ABCC5: variants seen among roughly 807,000 people sequenced by gnomAD.
ABCC5 encodes ATP binding cassette subfamily C member 5, also known as ATP-binding cassette sub-family C member 5.
ABCC5 carries 61 observed loss-of-function variants against 160.9 expected under a neutral mutation model. That is an observed-to-expected ratio of 0.38 (90% confidence interval 0.31 to 0.47). The LOEUF (loss-of-function observed/expected upper bound fraction) is 0.47, where lower values mean the gene tolerates loss of function less well. Among genes scored for constraint, ABCC5 ranks in the 20% least tolerant of loss-of-function variants. The pLI is 0.99. For synonymous variants in ABCC5, 666 were observed against 700.6 expected, an observed-to-expected ratio of 0.95 and a Z score of 0.78; for missense variants, 1,308 against 1,813.3, an observed-to-expected ratio of 0.72 and a Z score of 5.06.
At chr3:184,001,010 T>C (rs1250010857) in intron 2 of ABCC5, 1 of 393,372 alleles carries the variant, frequency 2.5e-6, no homozygotes, top group Non-Finnish European at 4.5e-6. Flanking sequence ...CACAACACTT[T>C]GGGAGGCTGA....
intron 8 of ABCC5, among the ~76,000 whole-genome samples, chr3:183,979,987 TGCCTCG>T (rs1718571170): frequency 6.6e-6 from 1 of 152,160 alleles, no homozygotes. Context: ...GTGATCCTCC[TGCCTCG>T]GCCTCTTGAG....
chr3:183,923,682 T>G (rs907767749), intron 29 of ABCC5, among the ~76,000 whole-genome samples: 7 of 152,228 alleles, frequency 4.6e-5, no homozygotes, highest in Non-Finnish European at 8.8e-5. Flanking sequence ...TATACCTTAC[T>G]AGGCTCTATT....
intron 26 of ABCC5, among the ~76,000 whole-genome samples, chr3:183,933,468 A>T (rs1196277284): frequency 2.0e-5 from 3 of 152,076 alleles, no homozygotes; most frequent in African/African-American, 7.2e-5. Flanking sequence ...AAGCACAGGG[A>T]GCTCTGGGAG....
Position 183,987,979 on chromosome 3 carries a change from C to T in ABCC5, c.444-62G>A, listed in dbSNP as rs142851518. 16,464 of 1,570,688 alleles carry T rather than the reference C, an allele frequency of 0.01. 107 individuals are homozygous for T. The highest frequency in any genetic ancestry group is 0.013 in the Non-Finnish European group (15,152 of 1,155,012). The stretch of plus-strand genomic sequence containing the variant: ...CGGGGGAAAGGCACACCTAGCTCCC[C>T]GCCTGCCACCACTTTTTGTCTCCAG... On this transcript the variant is annotated intron_variant, in intron 4 of 29. Transcript: ENST00000334444. The surrounding 1 kb of genome is among the most constrained non-coding windows in gnomAD (Gnocchi z 4.2).
chr3:183,930,987 AATAGT>A (rs1186355523), intron 26 of ABCC5, among the ~76,000 whole-genome samples: 1 of 152,210 alleles, frequency 6.6e-6, no homozygotes, highest in Non-Finnish European at 1.5e-5. Context: ...TCAAACCACA[AATAGT>A]ACTGAACCGT....
chr3:183,982,651 G>A lies in ABCC5; in HGVS notation c.826-27C>T, dbSNP rs750523199. The A allele has an allele frequency of 1.2e-6, 2 of 1,612,614 alleles. No individual in the cohort carries two copies. Among genetic ancestry groups the A allele is most frequent in the South Asian group, 1.1e-5 (1 of 91,010 alleles). ...TATAAGATACAAAGAGTAGTGAGGG[G>A]ACCCTGCAAGGACACGGTTCATTTG... On this transcript the variant is annotated intron_variant, in intron 6 of 29. Transcript: ENST00000334444. The surrounding 1 kb of genome is among the most constrained non-coding windows in gnomAD (Gnocchi z 5.2).
chr3:183,996,899 A>T (rs1184595806), intron 2 of ABCC5, among the ~76,000 whole-genome samples: 1 of 152,182 alleles, frequency 6.6e-6, no homozygotes, highest in Non-Finnish European at 1.5e-5. Context: ...CCAAATTGTC[A>T]ATCTTGTTGT....
chr3:183,952,067 G>A (rs1323796876), intron 18 of ABCC5, 64 bp from the exon 19 acceptor site: 107 of 1,545,586 alleles, frequency 6.9e-5, no homozygotes, highest in South Asian at 4.1e-4. Context: ...CCTGCTCAGC[G>A]CCATTCTCAG....
intron 26 of ABCC5, among the ~76,000 whole-genome samples, chr3:183,935,356 T>C (rs1560473022): frequency 6.6e-6 from 1 of 150,388 alleles, no homozygotes. Flanking sequence ...AATTTTTGTA[T>C]TTTTTAGTAG....
At chr3:183,981,943 A>G (rs780383855) in intron 7 of ABCC5, 69 bp from the exon 8 acceptor site, 101 of 1,518,918 alleles carry the variant, frequency 6.6e-5, no homozygotes, top group Non-Finnish European at 8.6e-5. Context: ...AATCTGCTTA[A>G]GGTCATTCTC....
chr3:183,948,313 G>A (rs1397995865), intron 22 of ABCC5, among the ~76,000 whole-genome samples: 2 of 147,666 alleles, frequency 1.4e-5, no homozygotes, highest in Non-Finnish European at 3.0e-5. Context: ...TCATCACCCT[G>A]TTAAAACCAG....
At chr3:183,965,044 C>G (rs945510913) in intron 14 of ABCC5, 141 bp downstream of exon 14, 1 of 765,074 alleles carries the variant, frequency 1.3e-6, no homozygotes, top group African/African-American at 1.7e-5. Flanking sequence ...TGGACACATG[C>G]TTTCCTAACA....
intron 24 of ABCC5, among the ~76,000 whole-genome samples, chr3:183,944,657 T>G (rs993165255): frequency 2.0e-5 from 3 of 152,242 alleles, no homozygotes; most frequent in African/African-American, 7.2e-5. Context: ...TTGAGCCACA[T>G]GCAGCCCAGG....
At chr3:183,994,751 C>A (rs1720109328) in intron 2 of ABCC5, among the ~76,000 whole-genome samples, 1 of 152,014 alleles carries the variant, frequency 6.6e-6, no homozygotes, top group African/African-American at 2.4e-5. Flanking sequence ...ATTTGCACTA[C>A]CCTAATGGTG....
At chr3:183,922,004 C>T (rs796384391) in intron 29 of ABCC5, among the ~76,000 whole-genome samples, 5 of 151,512 alleles carry the variant, frequency 3.3e-5, no homozygotes, top group African/African-American at 1.2e-4. Flanking sequence ...GCATGCCAGG[C>T]TGGGCGACAC....
At chr3:184,000,105 T>C (rs1219287062) in intron 2 of ABCC5, among the ~76,000 whole-genome samples, 1 of 151,394 alleles carries the variant, frequency 6.6e-6, no homozygotes, top group African/African-American at 2.4e-5. Context: ...ACACCTACAA[T>C]CCCAGCACTC....
chr3:183,961,966 G>C (rs6443925), intron 15 of ABCC5, among the ~76,000 whole-genome samples: 55,559 of 151,986 alleles, frequency 0.37, 11,013 homozygotes, highest in African/African-American at 0.53. Flanking sequence ...ATTTTTAGTA[G>C]AGACGGGGTT....
At chr3:183,943,091 C>T (rs1485104223) in intron 24 of ABCC5, among the ~76,000 whole-genome samples, 175 bp from the exon 25 acceptor site, 1 of 152,174 alleles carries the variant, frequency 6.6e-6, no homozygotes, top group East Asian at 1.9e-4. Context: ...TCACTAAACT[C>T]GACAGAGACA....
chr3:183,981,914 T>C (rs775942583), intron 7 of ABCC5, 40 bp from the exon 8 acceptor site: 1 of 1,572,240 alleles, frequency 6.4e-7, no homozygotes, highest in Admixed American at 2.1e-5. Context: ...TAAAGCTCAT[T>C]CAAACTTGAG....
Sources: gnomAD v4.1 joint callset for allele counts (sites outside exome capture counted in the v4.1 genomes callset) on GRCh38, gnomAD v4.1.1 for gene constraint, Gnocchi (gnomAD v3.1) non-coding constraint, MANE v1.5 for transcripts, NCBI Gene and HGNC (gene_info 2026-07-23, HGNC 2026-07-21) for gene names.